Variants in OR14I1 observed in about 807,000 individuals in gnomAD.
OR14I1 encodes olfactory receptor 14I1.
For missense variants in OR14I1, 279 were observed against 181.8 expected (o/e 1.53, Z -3.07); for synonymous variants, 118 against 71.1 (o/e 1.66, Z -3.32).
upstream of OR14I1, among the ~76,000 whole-genome samples, chr1:248,683,016 C>T (rs776628911): frequency 3.9e-5 from 6 of 152,200 alleles, no homozygotes; most frequent in Non-Finnish European, 7.3e-5. Flanking sequence ...CTACAGGACA[C>T]ACCTTGGCTC....
At chr1:248,700,652 A>G in the OR14I1 span, among the ~76,000 whole-genome samples, 4 of 152,310 alleles carry the variant, frequency 2.6e-5, no homozygotes, top group African/African-American at 9.6e-5. Context: ...TTTTATTGGA[A>G]TTTTTAAACA....
the OR14I1 span, among the ~76,000 whole-genome samples, chr1:248,689,541 A>C: frequency 1.3e-5 from 2 of 152,198 alleles, no homozygotes; most frequent in African/African-American, 2.4e-5. Flanking sequence ...CATAATCTTC[A>C]GTTGCAGCGT....
At chr1:248,697,234 C>T in the OR14I1 span, 1 of 152,170 alleles carries the variant, frequency 6.6e-6, no homozygotes, top group East Asian at 1.9e-4. Context: ...TACTGGTATT[C>T]TCTCACAAGC....
the OR14I1 span, among the ~76,000 whole-genome samples, chr1:248,694,784 C>G: frequency 6.6e-6 from 1 of 152,142 alleles, no homozygotes. Context: ...GCAAATTGTT[C>G]TCAAAAAGAA....
At chr1:248,699,229 G>A in the OR14I1 span, 1 of 152,212 alleles carries the variant, frequency 6.6e-6, no homozygotes, top group African/African-American at 2.4e-5. Context: ...TAGGGTCAAA[G>A]TGAATCAGCT....
the OR14I1 span, among the ~76,000 whole-genome samples, chr1:248,694,088 T>C: frequency 2.0e-5 from 3 of 152,158 alleles, no homozygotes; most frequent in Non-Finnish European, 4.4e-5. Context: ...GGGAGGCATG[T>C]GGGCAACTTT....
At chr1:248,683,607 T>C (rs1007477615), upstream of OR14I1, among the ~76,000 whole-genome samples, 2 of 152,258 alleles carry the variant, frequency 1.3e-5, no homozygotes, top group African/African-American at 4.8e-5. Context: ...TAATGTGAAA[T>C]GTTATTTTTT....
At chr1:248,681,520 G>A in exon 1 of OR14I1, 1 of 781,058 alleles carries the variant, frequency 1.3e-6, no homozygotes, top group South Asian at 1.3e-5. Context: ...CAGAGCTTTT[G>A]CAATTGGTCC....
upstream of OR14I1, among the ~76,000 whole-genome samples, chr1:248,684,745 TAC>T (rs201450528): frequency 4.5e-5 from 2 of 44,046 alleles, no homozygotes; most frequent in Non-Finnish European, 6.7e-5. Context: ...TATTTATAAA[TAC>T]ACACACATAC....
the OR14I1 span, among the ~76,000 whole-genome samples, chr1:248,690,177 C>T: frequency 6.6e-6 from 1 of 152,016 alleles, no homozygotes; most frequent in South Asian, 2.1e-4. Flanking sequence ...ACTAGAGAAG[C>T]AAGAGCAAAT....
chr1:248,697,512 C>T, the OR14I1 span, among the ~76,000 whole-genome samples: 43 of 149,026 alleles, frequency 2.9e-4, no homozygotes, highest in African/African-American at 9.7e-4. Flanking sequence ...TGGCCGGGCG[C>T]GGTAGCTCAT....
the OR14I1 span, among the ~76,000 whole-genome samples, chr1:248,700,175 C>T: frequency 2.0e-5 from 3 of 152,190 alleles, no homozygotes; most frequent in African/African-American, 4.8e-5. Flanking sequence ...GCCTTGCTCC[C>T]GCATTTTTGT....
chr1:248,681,863 G>A, exon 1 of OR14I1: 1 of 781,074 alleles, frequency 1.3e-6, no homozygotes, highest in Admixed American at 1.7e-5. Flanking sequence ...AAGCAGCTTA[G>A]CCAGGTGGTG....
At chr1:248,699,993 C>T in the OR14I1 span, among the ~76,000 whole-genome samples, 8 of 152,268 alleles carry the variant, frequency 5.3e-5, no homozygotes, top group African/African-American at 1.9e-4. Context: ...ATCTCCTGAC[C>T]TCGTGATCCG....
the OR14I1 span, among the ~76,000 whole-genome samples, chr1:248,702,153 A>G: frequency 3.9e-5 from 6 of 152,168 alleles, no homozygotes; most frequent in African/African-American, 9.6e-5. Flanking sequence ...CCCTCCTCAC[A>G]TTGAAAAATA....
the OR14I1 span, among the ~76,000 whole-genome samples, chr1:248,687,810 T>G: frequency 6.6e-6 from 1 of 152,224 alleles, no homozygotes; most frequent in Non-Finnish European, 1.5e-5. Flanking sequence ...TATTTAATTT[T>G]GGCAATACTA....
chr1:248,701,255 G>A, the OR14I1 span, among the ~76,000 whole-genome samples: 2 of 152,118 alleles, frequency 1.3e-5, no homozygotes, highest in East Asian at 1.9e-4. Context: ...GGGTTCAAGC[G>A]ATTCTCCTGC....
At chr1:248,695,228 C>CTTTTTGTT in the OR14I1 span, among the ~76,000 whole-genome samples, 20 of 96,730 alleles carry the variant, frequency 2.1e-4, no homozygotes, top group South Asian at 7.0e-4. Flanking sequence ...TGAATGTATG[C>CTTTTTGTT]TTTTTTTTTT....
chr1:248,701,644 A>G, the OR14I1 span, among the ~76,000 whole-genome samples: 2 of 152,176 alleles, frequency 1.3e-5, no homozygotes, highest in Non-Finnish European at 2.9e-5. Flanking sequence ...AAATTACTTA[A>G]TTTGGATGAA....
Sources: gnomAD v4.1 joint callset for allele counts (sites outside exome capture counted in the v4.1 genomes callset) on GRCh38, gnomAD v4.1.1 for gene constraint, MANE v1.5 for transcripts, NCBI Gene and HGNC (gene_info 2026-07-23, HGNC 2026-07-21) for gene names.